AVEN: variants seen among roughly 807,000 people sequenced by gnomAD.
AVEN encodes the protein cell death regulator Aven.
In AVEN, 41 loss-of-function variants were observed where a neutral mutation model predicts 38.1. That is an observed-to-expected ratio of 1.08 (90% confidence interval 0.84 to 1.40). The LOEUF (loss-of-function observed/expected upper bound fraction) is 1.40. Ranked by LOEUF, AVEN falls within the 40% of genes most tolerant of loss-of-function variation. The pLI is 0.00. For synonymous variants in AVEN, 206 were observed against 171.8 expected, an observed-to-expected ratio of 1.20 and a Z score of -1.56; for missense variants, 605 against 438.8, an observed-to-expected ratio of 1.38 and a Z score of -3.38.
intron 2 of AVEN, among the ~76,000 whole-genome samples, chr15:33,973,454 T>C (rs996323173): frequency 1.3e-5 from 2 of 152,234 alleles, no homozygotes; most frequent in East Asian, 3.8e-4. Flanking sequence ...CAGTAACTTC[T>C]GGGTAACTTC....
chr15:34,053,316 A>T (rs1203337994), intron 5 of AVEN, among the ~76,000 whole-genome samples: 2 of 105,874 alleles, frequency 1.9e-5, no homozygotes, highest in African/African-American at 7.1e-5. Context: ...AAAAAAAAAA[A>T]AAAATATATA....
At chr15:33,873,880 C>T (rs1891110448) in intron 3 of AVEN, among the ~76,000 whole-genome samples, 1 of 152,172 alleles carries the variant, frequency 6.6e-6, no homozygotes, top group Admixed American at 6.5e-5. Context: ...GGCCAGTGAG[C>T]ACAGTTGACC....
intron 3 of AVEN, among the ~76,000 whole-genome samples, chr15:33,873,671 CAG>C (rs1438977548): frequency 6.6e-6 from 1 of 151,552 alleles, no homozygotes; most frequent in Non-Finnish European, 1.5e-5. Flanking sequence ...TTAAGTCAGA[CAG>C]GAAATCGTTT....
chr15:34,047,511 A>C (rs1407763382), intron 5 of AVEN, among the ~76,000 whole-genome samples: 1 of 152,098 alleles, frequency 6.6e-6, no homozygotes, highest in Non-Finnish European at 1.5e-5. Context: ...CTTCCCTGGC[A>C]CCTCACAAGA....
chr15:34,027,225 G>A (rs1597367654), intron 1 of AVEN, among the ~76,000 whole-genome samples: 1 of 151,954 alleles, frequency 6.6e-6, no homozygotes, highest in Non-Finnish European at 1.5e-5. Flanking sequence ...GTCTGCAGTT[G>A]CTTTGAAAAT....
At chr15:33,986,576 ATAT>A (rs1353945550) in intron 2 of AVEN, among the ~76,000 whole-genome samples, 15 of 152,302 alleles carry the variant, frequency 9.8e-5, no homozygotes, top group African/African-American at 3.6e-4. Flanking sequence ...ACCAGCAGTA[ATAT>A]TATTAAAGAC....
chr15:34,063,879 G>C lies in AVEN; in HGVS notation n.1127-447C>G. On this transcript the variant is annotated intron_variant and non_coding_transcript_variant, in intron 4 of 11. Coordinates refer to the AVEN transcript ENST00000675287. This position sits in a 1 kb window ranked among gnomAD's most constrained non-coding sequence, Gnocchi z 4.1. ...TAAGTTCCGATTGGTGGTAAAAGCTGACGGGAACCAGGAGACCAACAATGG... is the reference window on the plus strand; with the variant it reads ...TAAGTTCCGATTGGTGGTAAAAGCTCACGGGAACCAGGAGACCAACAATGG... 6.2e-7 allele frequency: 1 copy of C among 1,614,196 alleles called. No homozygotes were observed. Among genetic ancestry groups the C allele is most frequent in the Non-Finnish European group, 8.5e-7 (1 of 1,180,036 alleles).
intron 2 of AVEN, among the ~76,000 whole-genome samples, chr15:33,899,314 T>C (rs1459992049): frequency 6.6e-6 from 1 of 152,122 alleles, no homozygotes; most frequent in African/African-American, 2.4e-5. Flanking sequence ...CCAGCTACCA[T>C]ATGGTAGTAG....
At chr15:33,928,579 C>T (rs1231107663) in intron 2 of AVEN, among the ~76,000 whole-genome samples, 1 of 152,144 alleles carries the variant, frequency 6.6e-6, no homozygotes, top group African/African-American at 2.4e-5. Flanking sequence ...CAAGACGCAA[C>T]TGAATGGGGG....
intron 3 of AVEN, among the ~76,000 whole-genome samples, chr15:33,875,140 T>C (rs544061334): frequency 6.6e-6 from 1 of 152,074 alleles, no homozygotes; most frequent in African/African-American, 2.4e-5. Flanking sequence ...CCACAGCACA[T>C]ACGCTGATGT....
chr15:33,875,866 G>T, intron 3 of AVEN, 59 bp downstream of exon 3: 1 of 1,439,780 alleles, frequency 6.9e-7, no homozygotes. Context: ...AACGTAAAAG[G>T]TGTTAGCCTT....
rs968040693 is a variant in AVEN at position 33,871,168 on chromosome 15, T to C, written c.517-138A>G. ...CACACCATACATCACACTTATGTGT[T>C]AGAGTTTCTGCATCTCCACATTATG... On this transcript the variant is annotated intron_variant, in intron 3 of 5. Coordinates refer to ENST00000306730, the MANE Select transcript of AVEN (RefSeq NM_020371.3). 9.0e-4 allele frequency: 426 copies of C among 470,910 alleles called. 4 individuals are homozygous for C. The highest frequency in any genetic ancestry group is 1.1e-4 in the Non-Finnish European group (33 of 289,974). The allele number at this position is 470,910 out of a possible 1,614,324, so 29.2% of individuals were successfully genotyped here. A position where few individuals can be genotyped will look rare whatever the true frequency, so the allele number is the denominator to read the frequency against.
At chr15:34,014,733 G>A (rs1169711946) in intron 1 of AVEN, among the ~76,000 whole-genome samples, 1 of 152,168 alleles carries the variant, frequency 6.6e-6, no homozygotes, top group Admixed American at 6.5e-5. Flanking sequence ...GGCTAAATAT[G>A]TTGGGTCTAC....
At chr15:33,983,976 A>G (rs1896309863) in intron 2 of AVEN, among the ~76,000 whole-genome samples, 1 of 152,072 alleles carries the variant, frequency 6.6e-6, no homozygotes. Flanking sequence ...ACATTCTACA[A>G]TATGGTCTAC....
At chr15:33,855,850 T>C (rs1193568218), downstream of AVEN, 2 of 152,310 alleles carry the variant, frequency 1.3e-5, no homozygotes, top group South Asian at 2.1e-4. Context: ...TATAACCATA[T>C]TAAAATCTTC....
intron 2 of AVEN, among the ~76,000 whole-genome samples, chr15:33,897,917 T>C (rs1299060092): frequency 6.6e-6 from 1 of 151,452 alleles, no homozygotes; most frequent in African/African-American, 2.4e-5. Context: ...GGGCCGGGCG[T>C]GGTAGCTCAC....
chr15:33,971,728 A>T (rs1366617424), intron 2 of AVEN, among the ~76,000 whole-genome samples: 1 of 152,050 alleles, frequency 6.6e-6, no homozygotes, highest in Non-Finnish European at 1.5e-5. Flanking sequence ...TTTTCATTCC[A>T]TTATAATGGC....
the AVEN span, chr15:33,853,697 G>C: frequency 7.5e-5 from 120 of 1,609,706 alleles, no homozygotes; most frequent in African/African-American, 1.5e-3. Context: ...AAAAAGCTTA[G>C]GAGTTCAAAT....
intron 5 of AVEN, among the ~76,000 whole-genome samples, chr15:34,053,749 C>T (rs1055510596): frequency 7.9e-5 from 12 of 152,080 alleles, no homozygotes; most frequent in Middle Eastern, 3.4e-3. Flanking sequence ...TAGGCAATAC[C>T]GTTCAGGACA....
Sources: gnomAD v4.1 joint callset for allele counts (sites outside exome capture counted in the v4.1 genomes callset) on GRCh38, gnomAD v4.1.1 for gene constraint, Gnocchi (gnomAD v3.1) non-coding constraint, MANE v1.5 for transcripts, NCBI Gene and HGNC (gene_info 2026-07-23, HGNC 2026-07-21) for gene names.